The following IL1RAPL2 variants were observed in gnomAD, a reference collection of about 807,000 sequenced individuals.
IL1RAPL2 encodes the protein interleukin 1 receptor accessory protein like 2, also known as X-linked interleukin-1 receptor accessory protein-like 2.
IL1RAPL2 carries 3 observed loss-of-function variants against 44.1 expected under a neutral mutation model. That is an observed-to-expected ratio of 0.07 (90% confidence interval 0.03 to 0.18). The LOEUF is 0.18. Ranked by LOEUF, IL1RAPL2 falls within the 10% of genes least tolerant of loss-of-function variation. IL1RAPL2 has a pLI of 1.00. For synonymous variants in IL1RAPL2, 181 were observed against 178.8 expected (o/e 1.01, Z -0.10); for missense variants, 391 against 496.4 (o/e 0.79, Z 2.02).
At chrX:104,915,972 C>T (rs1259681636) in intron 2 of IL1RAPL2, among the ~76,000 whole-genome samples, 2 of 111,871 alleles carry the variant, frequency 1.8e-5, no homozygotes, top group Non-Finnish European at 3.8e-5. Context: ...GTTACTGTAG[C>T]CTTGTAGTAT....
At chrX:105,159,082 A>C (rs1004989356) in intron 2 of IL1RAPL2, among the ~76,000 whole-genome samples, 4 of 112,213 alleles carry the variant, frequency 3.6e-5, no homozygotes, top group African/African-American at 9.7e-5. Flanking sequence ...ACGTTATCTA[A>C]TTTAAAATTC....
At chrX:105,051,496 G>A (rs1235264657) in intron 2 of IL1RAPL2, among the ~76,000 whole-genome samples, 2 of 112,841 alleles carry the variant, frequency 1.8e-5, no homozygotes, top group African/African-American at 6.4e-5. Context: ...CTGCATCCGA[G>A]AGGGCAGATC....
At position 105,388,148 on chromosome X, in the gene IL1RAPL2, C is replaced by CAAAAAA. The variant is rs760730401; in HGVS notation, c.698-96130_698-96125dup. On this transcript the variant is annotated intron_variant, in intron 5 of 10. Transcript: ENST00000372582. The stretch of plus-strand genomic sequence containing the variant: ...GGGCAACAAGAGCGAAACTCCATCT[C>CAAAAAA]AAAAAAAAAAAAAAAAAAAAAAAAA... Among the ~76,000 whole-genome samples the CAAAAAA allele has an allele frequency of 5.0e-3, 27 of 5,380 alleles. 6 individuals are homozygous for CAAAAAA. Among genetic ancestry groups the CAAAAAA allele is most frequent in the Non-Finnish European group, 0.011 (19 of 1,797 alleles). 4.7% of individuals were successfully genotyped at this position (5,380 alleles called of 115,157 possible).
chrX:104,983,902 A>C (rs1039480572), intron 2 of IL1RAPL2, among the ~76,000 whole-genome samples: 3 of 109,383 alleles, frequency 2.7e-5, no homozygotes, highest in Non-Finnish European at 5.7e-5. Context: ...GCCTTTTTAC[A>C]GGTATTTTCC....
intron 1 of IL1RAPL2, among the ~76,000 whole-genome samples, chrX:104,642,456 A>G (rs1433156456): frequency 2.7e-5 from 3 of 111,575 alleles, no homozygotes; most frequent in Non-Finnish European, 5.6e-5. Flanking sequence ...TGGACATAAT[A>G]GTGCATAAAT....
intron 2 of IL1RAPL2, among the ~76,000 whole-genome samples, chrX:104,726,760 A>T (rs1196080195): frequency 9.0e-6 from 1 of 111,045 alleles, no homozygotes; most frequent in Non-Finnish European, 1.9e-5. Context: ...GAAGTTGCTT[A>T]TCAGCTTAAG....
chrX:105,392,018 A>G (rs2035528475), intron 5 of IL1RAPL2, among the ~76,000 whole-genome samples: 1 of 96,948 alleles, frequency 1.0e-5, no homozygotes, highest in Non-Finnish European at 2.1e-5. Context: ...GGGGGAAGGG[A>G]TAGCTTTAGG....
At chrX:105,328,197 T>C (rs1377419915) in intron 5 of IL1RAPL2, among the ~76,000 whole-genome samples, 1 of 112,156 alleles carries the variant, frequency 8.9e-6, no homozygotes, top group Non-Finnish European at 1.9e-5. Flanking sequence ...TTTGTCAAAT[T>C]CTTTTCTGAA....
chrX:105,424,779 A>T (rs145645543), intron 5 of IL1RAPL2, among the ~76,000 whole-genome samples: 2,645 of 110,053 alleles, frequency 0.024, 86 homozygotes, highest in African/African-American at 0.083. Context: ...AATAAAAAAT[A>T]AAAATTAAAA....
intron 2 of IL1RAPL2, among the ~76,000 whole-genome samples, chrX:105,099,044 T>C (rs2032637519): frequency 8.9e-6 from 1 of 112,446 alleles, no homozygotes; most frequent in Non-Finnish European, 1.9e-5. Flanking sequence ...AAACATTTGG[T>C]GAGCAAATAC....
At chrX:104,917,190 A>G (rs1348203547) in intron 2 of IL1RAPL2, among the ~76,000 whole-genome samples, 1 of 111,289 alleles carries the variant, frequency 9.0e-6, no homozygotes, top group East Asian at 2.8e-4. Context: ...CTGTGAATCC[A>G]TCTGGTCCTG....
intron 5 of IL1RAPL2, among the ~76,000 whole-genome samples, chrX:105,345,929 G>T (rs1319913484): frequency 9.0e-6 from 1 of 111,600 alleles, no homozygotes; most frequent in Non-Finnish European, 1.9e-5. Context: ...TAATAAAAAG[G>T]CATTTGAAGC....
chrX:104,800,535 T>C (rs751073551), intron 2 of IL1RAPL2, among the ~76,000 whole-genome samples: 1 of 112,157 alleles, frequency 8.9e-6, no homozygotes, highest in Non-Finnish European at 1.9e-5. Context: ...GATGTACAAT[T>C]CATTTCCAAT....
At chrX:105,082,421 G>A (rs6621920) in intron 2 of IL1RAPL2, among the ~76,000 whole-genome samples, 45,414 of 110,057 alleles carry the variant, frequency 0.41, 8,206 homozygotes, top group East Asian at 0.74. Flanking sequence ...TCAAAAACCA[G>A]GTCCTGGGTT....
intron 6 of IL1RAPL2, among the ~76,000 whole-genome samples, chrX:105,633,693 A>G (rs1258389948): frequency 9.0e-6 from 1 of 111,359 alleles, no homozygotes; most frequent in Non-Finnish European, 1.9e-5. Context: ...AAATCTCACC[A>G]TTAAAGTTTT....
intron 1 of IL1RAPL2, among the ~76,000 whole-genome samples, chrX:104,585,778 CT>C (rs1194183427): frequency 1.8e-5 from 2 of 110,367 alleles, no homozygotes; most frequent in Admixed American, 2.0e-4. Flanking sequence ...CGATTTCATT[CT>C]TTTTTTATGG....
chrX:104,636,779 C>T (rs1451023835), intron 1 of IL1RAPL2, among the ~76,000 whole-genome samples: 5 of 112,350 alleles, frequency 4.5e-5, no homozygotes, highest in Admixed American at 9.4e-5. Flanking sequence ...TTCACTGACC[C>T]CTTGTGCTTC....
intron 3 of IL1RAPL2, among the ~76,000 whole-genome samples, chrX:105,201,422 AAAAG>A (rs1327442462): frequency 3.6e-5 from 4 of 112,221 alleles, no homozygotes; most frequent in Admixed American, 1.9e-4. Flanking sequence ...CATAACAAAA[AAAAG>A]AAGAAATAAA....
intron 2 of IL1RAPL2, among the ~76,000 whole-genome samples, chrX:104,738,270 G>T (rs949073990): frequency 1.8e-5 from 2 of 111,937 alleles, no homozygotes; most frequent in Non-Finnish European, 1.9e-5. Flanking sequence ...CCTTTGAAAT[G>T]CTTCTAAAAA....
Sources: allele counts gnomAD v4.1 joint callset (sites outside exome capture counted in the v4.1 genomes callset), GRCh38; gene constraint gnomAD v4.1.1; transcripts MANE v1.5; gene names NCBI Gene and HGNC (gene_info 2026-07-23, HGNC 2026-07-21).